Variants in SLC9C2 observed in about 807,000 individuals in gnomAD.
SLC9C2 encodes the protein solute carrier family 9 member C2 (putative).
Under a neutral mutation model 140.2 loss-of-function variants are expected in SLC9C2, and 75 were observed. That is an observed-to-expected ratio of 0.53 (90% CI 0.44 to 0.65). The LOEUF (loss-of-function observed/expected upper bound fraction) is 0.65, where lower values mean the gene tolerates loss of function less well. Among genes scored for constraint, SLC9C2 ranks in the 30% least tolerant of loss-of-function variants. SLC9C2 has a pLI of 0.00. For synonymous variants in SLC9C2, 375 were observed against 420.9 expected (o/e 0.89, Z 1.34); for missense variants, 1,074 against 1,331.8 (o/e 0.81, Z 3.01).
intron 19 of SLC9C2, among the ~76,000 whole-genome samples, chr1:173,525,381 C>G (rs1036362087): frequency 1.3e-5 from 2 of 152,208 alleles, no homozygotes; most frequent in Non-Finnish European, 2.9e-5. Flanking sequence ...ATGAACTGGA[C>G]TGTGAGTCAA....
At position 173,530,020 on chromosome 1, in the gene SLC9C2, A is replaced by G; in HGVS notation, c.2198T>C (p.Val733Ala). 2 of 1,612,600 alleles carry G rather than the reference A, an allele frequency of 1.2e-6. No homozygotes were observed. The highest frequency in any genetic ancestry group is 2.7e-5 in the African/African-American group (2 of 74,880). The change falls in exon 18 of 28, where the codon GTG becomes GCG. Residue 733 changes from valine to alanine, a missense_variant. Coordinates refer to ENST00000367714, the MANE Select transcript of SLC9C2 (RefSeq NM_178527.4). ...CAAGCTGAGGCGCTTTTTGATCTGCACATCTGCAATTCTTATCAGTATTGG... is the reference window on the plus strand; with the variant it reads ...CAAGCTGAGGCGCTTTTTGATCTGCGCATCTGCAATTCTTATCAGTATTGG... The part of the protein sequence containing the change: ...IVPILIRIAD[V>A]QIKKRLSLMY...
intron 19 of SLC9C2, among the ~76,000 whole-genome samples, chr1:173,525,594 C>T (rs1320290059): frequency 6.6e-6 from 1 of 152,212 alleles, no homozygotes; most frequent in African/African-American, 2.4e-5. Flanking sequence ...GGGCCTCAGG[C>T]AAATTAACCT....
At chr1:173,589,342 A>C (rs1462175000) in intron 4 of SLC9C2, among the ~76,000 whole-genome samples, 1 of 152,156 alleles carries the variant, frequency 6.6e-6, no homozygotes, top group Non-Finnish European at 1.5e-5. Context: ...GGATCGCTTG[A>C]GGCCAGAAGC....
At chr1:173,508,778 C>A (rs1357960686) in intron 24 of SLC9C2, among the ~76,000 whole-genome samples, 1 of 152,088 alleles carries the variant, frequency 6.6e-6, no homozygotes, top group Non-Finnish European at 1.5e-5. Flanking sequence ...AAATAGGATA[C>A]AAATGTGAGA....
intron 9 of SLC9C2, among the ~76,000 whole-genome samples, chr1:173,571,247 G>T (rs1664826393): frequency 2.0e-5 from 3 of 152,134 alleles, no homozygotes; most frequent in Admixed American, 2.0e-4. Flanking sequence ...ATCCTTCCAG[G>T]TGTTTTCTTA....
chr1:173,531,889 T>C (rs1450605958), intron 17 of SLC9C2, among the ~76,000 whole-genome samples: 1 of 152,216 alleles, frequency 6.6e-6, no homozygotes. Context: ...AAGAAACTCC[T>C]ACCTTCCATT....
At chr1:173,540,217 C>CA (rs2102021119) in intron 13 of SLC9C2, among the ~76,000 whole-genome samples, 1 of 152,274 alleles carries the variant, frequency 6.6e-6, no homozygotes, top group Non-Finnish European at 1.5e-5. Context: ...CATCAGCTGC[C>CA]AAACCTGCGA....
intron 11 of SLC9C2, among the ~76,000 whole-genome samples, chr1:173,550,444 A>ATTTTTTT (rs1382249001): frequency 1.2e-4 from 15 of 129,258 alleles, no homozygotes; most frequent in African/African-American, 4.0e-4. Context: ...TTATTTATTT[A>ATTTTTTT]TTTATTTATT....
intron 13 of SLC9C2, among the ~76,000 whole-genome samples, chr1:173,539,645 G>C (rs529655176): frequency 1.3e-5 from 2 of 152,254 alleles, no homozygotes; most frequent in African/African-American, 4.8e-5. Context: ...AAAATCATGA[G>C]TGTAGCTGGG....
intron 9 of SLC9C2, among the ~76,000 whole-genome samples, chr1:173,568,254 T>TA (rs1664618342): frequency 6.6e-6 from 1 of 152,282 alleles, no homozygotes; most frequent in South Asian, 2.1e-4. Context: ...ACCTAATAGT[T>TA]ACTTTTTCTG....
chr1:173,584,019 G>A (rs1665708181), intron 5 of SLC9C2, among the ~76,000 whole-genome samples: 1 of 152,162 alleles, frequency 6.6e-6, no homozygotes, highest in African/African-American at 2.4e-5. Flanking sequence ...CAAGGTAATT[G>A]AAAATGTATG....
In SLC9C2 at chr1:173,524,862, C is replaced by T. The variant is rs750914394; in HGVS notation, c.2431G>A (p.Val811Met). The T allele has an allele frequency of 1.2e-6, 2 of 1,614,098 alleles. No individual in the cohort carries two copies. The highest frequency in any genetic ancestry group is 1.7e-5 in the Admixed American group (1 of 60,032). The change falls in exon 20 of 28, where the codon GTG becomes ATG. Residue 811 changes from valine (V) to methionine (M), a missense_variant. Coordinates refer to ENST00000367714, the MANE Select transcript of SLC9C2 (RefSeq NM_178527.4). The part of the protein sequence containing the change: ...ALKTKQAIRN[V>M]IAKALKNLTF... ...AGATTTTTTAGAGCTTTAGCAATCA[C>T]ATTCCGGATTGCCTGTTTAGTCTTC...
chr1:173,572,045 A>G (rs12032790), intron 9 of SLC9C2, among the ~76,000 whole-genome samples: 21,227 of 152,188 alleles, frequency 0.14, 1,772 homozygotes, highest in East Asian at 0.32. Context: ...GAGATGATCT[A>G]TTATTATGCC....
At chr1:173,569,602 G>T (rs967317519) in intron 9 of SLC9C2, among the ~76,000 whole-genome samples, 1 of 151,840 alleles carries the variant, frequency 6.6e-6, no homozygotes, top group Non-Finnish European at 1.5e-5. Flanking sequence ...CCCTTCTGAG[G>T]TTATTTCCTA....
chr1:173,597,453 A>T (rs538055987), intron 4 of SLC9C2, among the ~76,000 whole-genome samples: 37 of 152,096 alleles, frequency 2.4e-4, no homozygotes, highest in Non-Finnish European at 4.3e-4. Flanking sequence ...AAACCAAAAT[A>T]AAATGTTCTC....
intron 21 of SLC9C2, among the ~76,000 whole-genome samples, chr1:173,521,885 C>CAAAAAAAAAA (rs58355008): frequency 3.9e-5 from 3 of 76,940 alleles, no homozygotes; most frequent in Non-Finnish European, 5.0e-5. Context: ...GGGCGCTATG[C>CAAAAAAAAAA]AAAAAAAAAA....
chr1:173,505,709 T>C (rs1030620819), intron 25 of SLC9C2, among the ~76,000 whole-genome samples: 3 of 152,230 alleles, frequency 2.0e-5, no homozygotes, highest in Non-Finnish European at 4.4e-5. Flanking sequence ...ATTTGTCCCA[T>C]GTGCCATAAA....
chr1:173,510,647 C>T (rs1659976693), intron 23 of SLC9C2, among the ~76,000 whole-genome samples: 1 of 152,128 alleles, frequency 6.6e-6, no homozygotes. Flanking sequence ...CATCTATGTC[C>T]CTGCAAAGGA....
chr1:173,521,824 G>T (rs936798904), intron 21 of SLC9C2, among the ~76,000 whole-genome samples: 4 of 142,130 alleles, frequency 2.8e-5, no homozygotes, highest in African/African-American at 1.0e-4. Flanking sequence ...AGTTATGTTG[G>T]GTAGATATTT....
Sources: allele counts gnomAD v4.1 joint callset (sites outside exome capture counted in the v4.1 genomes callset), GRCh38; gene constraint gnomAD v4.1.1; transcripts MANE v1.5; gene names NCBI Gene and HGNC (gene_info 2026-07-23, HGNC 2026-07-21).